Variants in PCSK2 observed in about 807,000 individuals in gnomAD.
The protein encoded by PCSK2 is proprotein convertase subtilisin/kexin type 2.
A neutral mutation model predicts 69.7 loss-of-function variants in PCSK2; 14 were observed. The ratio of observed to expected loss-of-function variants is 0.20; its 90% CI spans 0.13 to 0.31. The LOEUF (loss-of-function observed/expected upper bound fraction) is 0.31, where lower values mean the gene tolerates loss of function less well. Among genes scored for constraint, PCSK2 ranks in the 10% least tolerant of loss-of-function variants. The pLI, the probability that PCSK2 is intolerant of heterozygous loss-of-function variation, is 1.00. For synonymous variants in PCSK2, 307 were observed against 320.7 expected (o/e 0.96, Z 0.46); for missense variants, 544 against 842.5 (o/e 0.65, Z 4.39).
At chr20:17,449,984 CT>C (rs60552663) in intron 8 of PCSK2, among the ~76,000 whole-genome samples, 10,641 of 90,450 alleles carry the variant, frequency 0.12, 485 homozygotes, top group East Asian at 0.22. Context: ...ACTTCCTTAG[CT>C]TTTTTTTTTT....
At chr20:17,413,412 A>G (rs2031923725) in intron 6 of PCSK2, among the ~76,000 whole-genome samples, 1 of 152,242 alleles carries the variant, frequency 6.6e-6, no homozygotes, top group Non-Finnish European at 1.5e-5. Flanking sequence ...ACTTTAAACC[A>G]ACAAAGATCA....
intron 6 of PCSK2, among the ~76,000 whole-genome samples, chr20:17,409,696 C>G (rs2031828431): frequency 6.6e-6 from 1 of 152,158 alleles, no homozygotes; most frequent in Non-Finnish European, 1.5e-5. Flanking sequence ...GTATTTTGCC[C>G]CATGGGTCTA....
rs1213356489 is a variant in PCSK2 at position 17,482,589 on chromosome 20, A to C, written c.*519A>C. 6.6e-6 allele frequency: 1 copy of C among 152,216 alleles called. No homozygotes were observed. Among genetic ancestry groups the C allele is most frequent in the African/African-American group, 2.4e-5 (1 of 41,432 alleles). 9.4% of individuals were successfully genotyped at this position (152,216 alleles called of 1,614,324 possible). ...GGAGCGATGTTTTGAATTTAGTGAG[A>C]TTTACCAGGGATGTAGATTAAGGTG... On this transcript the variant is annotated 3_prime_UTR_variant, in exon 12 of 12. Transcript: ENST00000262545.
chr20:17,459,503 C>G (rs1448937843), intron 10 of PCSK2, among the ~76,000 whole-genome samples: 1 of 152,094 alleles, frequency 6.6e-6, no homozygotes, highest in Non-Finnish European at 1.5e-5. Flanking sequence ...CAAATAGTTT[C>G]CTGAAGTGGG....
At chr20:17,353,297 A>AC (rs2030062131) in intron 2 of PCSK2, among the ~76,000 whole-genome samples, 1 of 150,782 alleles carries the variant, frequency 6.6e-6, no homozygotes, top group Non-Finnish European at 1.5e-5. Flanking sequence ...CCTGTCTCCA[A>AC]AAAAAATACA....
chr20:17,437,910 G>A (rs762546650), intron 8 of PCSK2, among the ~76,000 whole-genome samples: 6 of 152,120 alleles, frequency 3.9e-5, no homozygotes, highest in Non-Finnish European at 7.3e-5. Flanking sequence ...CCATCTACTT[G>A]CCACGCGTGG....
intron 11 of PCSK2, chr20:17,479,542 G>A (rs1305377366): frequency 1.5e-5 from 5 of 326,168 alleles, no homozygotes; most frequent in Non-Finnish European, 3.0e-5. Context: ...GCTCACGCCT[G>A]TAATCTCAGC....
chr20:17,394,330 T>C (rs1397088090), intron 5 of PCSK2, among the ~76,000 whole-genome samples: 2 of 152,184 alleles, frequency 1.3e-5, no homozygotes, highest in Non-Finnish European at 2.9e-5. Flanking sequence ...GTGCAAGTGG[T>C]ATCAAGTAAA....
intron 5 of PCSK2, among the ~76,000 whole-genome samples, chr20:17,388,109 A>AGT (rs2123265817): frequency 6.6e-6 from 1 of 151,744 alleles, no homozygotes; most frequent in Non-Finnish European, 1.5e-5. Context: ...GAAGAAGGCC[A>AGT]GTGTGTGTGT....
At chr20:17,450,078 A>G (rs1432647293) in intron 8 of PCSK2, among the ~76,000 whole-genome samples, 5 of 112,602 alleles carry the variant, frequency 4.4e-5, no homozygotes, top group African/African-American at 1.8e-4. Flanking sequence ...CCTAGGCTGG[A>G]GTGCAGTGGC....
At chr20:17,358,712 A>C (rs776430396) in intron 3 of PCSK2, among the ~76,000 whole-genome samples, 1 of 152,204 alleles carries the variant, frequency 6.6e-6, no homozygotes, top group Non-Finnish European at 1.5e-5. Flanking sequence ...GAAAAAGTGC[A>C]CCAGTGTATG....
intron 2 of PCSK2, among the ~76,000 whole-genome samples, chr20:17,343,618 T>C (rs1990569629): frequency 6.6e-6 from 1 of 152,246 alleles, no homozygotes; most frequent in Non-Finnish European, 1.5e-5. Context: ...GTTAAGGTTT[T>C]AGACGAAATG....
At chr20:17,372,125 A>G (rs1467891365) in intron 5 of PCSK2, among the ~76,000 whole-genome samples, 1 of 152,210 alleles carries the variant, frequency 6.6e-6, no homozygotes, top group Non-Finnish European at 1.5e-5. Context: ...AGTGATTAAG[A>G]TAGTAAATTA....
intron 2 of PCSK2, among the ~76,000 whole-genome samples, chr20:17,354,184 A>T (rs901645664): frequency 2.0e-5 from 3 of 152,250 alleles, no homozygotes; most frequent in South Asian, 2.1e-4. Context: ...AGATATTCTC[A>T]TAGAAATAAT....
intron 2 of PCSK2, among the ~76,000 whole-genome samples, chr20:17,353,696 T>G (rs948910050): frequency 1.3e-5 from 2 of 152,222 alleles, no homozygotes; most frequent in African/African-American, 4.8e-5. Context: ...TGCACTTTTC[T>G]GTTCAGTGCT....
chr20:17,341,601 A>G lies in PCSK2; in HGVS notation c.283-16726A>G, dbSNP rs1381822183. 3.3e-5 allele frequency among the ~76,000 whole-genome samples: 5 copies of G among 152,228 alleles called. No homozygotes were observed. In the East Asian group the frequency reaches 7.7e-4, roughly 23 times the overall value. Reference sequence around the variant, plus strand: ...CTATTCAGCCGCACTGAATAGCTACACTACTTAGCAGCAATTCTTTTGAAT... The same window carrying G: ...CTATTCAGCCGCACTGAATAGCTACGCTACTTAGCAGCAATTCTTTTGAAT... On this transcript the variant is annotated intron_variant, in intron 2 of 11. Transcript: ENST00000262545.
At chr20:17,256,394 T>C (rs755964395) in intron 1 of PCSK2, among the ~76,000 whole-genome samples, 19 of 152,168 alleles carry the variant, frequency 1.2e-4, no homozygotes, top group Admixed American at 2.6e-4. Flanking sequence ...AAGTCCAACA[T>C]CTGGGCTTCC....
At position 17,398,010 on chromosome 20, in the gene PCSK2, C is replaced by T. The variant is rs2031551504; in HGVS notation, c.544-11253C>T. 2.0e-5 allele frequency among the ~76,000 whole-genome samples: 3 copies of T among 152,100 alleles called. No individual in the cohort carries two copies. The South Asian group carries it at 6.2e-4, about 32-fold the overall frequency. ...TATTAGAGATTAACTTGTTTCAATGCCCATTCTCTTCTGTTAAAGCAGATA... is the reference window on the plus strand; with the variant it reads ...TATTAGAGATTAACTTGTTTCAATGTCCATTCTCTTCTGTTAAAGCAGATA... On this transcript the variant is annotated intron_variant, in intron 5 of 11. Coordinates refer to ENST00000262545, the MANE Select transcript of PCSK2 (RefSeq NM_002594.5).
chr20:17,439,014 C>T (rs2032543807), intron 8 of PCSK2, among the ~76,000 whole-genome samples: 1 of 152,218 alleles, frequency 6.6e-6, no homozygotes, highest in Admixed American at 6.5e-5. Context: ...CTAGGGAACA[C>T]CTCCCACAAA....
Sources: gnomAD v4.1 joint callset for allele counts (sites outside exome capture counted in the v4.1 genomes callset) on GRCh38, gnomAD v4.1.1 for gene constraint, MANE v1.5 for transcripts, NCBI Gene and HGNC (gene_info 2026-07-23, HGNC 2026-07-21) for gene names.